DDR2: variants seen among roughly 807,000 people sequenced by gnomAD.
DDR2 encodes the protein discoidin domain receptor tyrosine kinase 2.
DDR2 carries 27 observed loss-of-function variants against 94.9 expected under a neutral mutation model. The ratio of observed to expected loss-of-function variants is 0.28; its 90% confidence interval spans 0.21 to 0.39. The LOEUF is 0.39. DDR2 is among the 10% of genes least tolerant of loss of function. The pLI, the probability that DDR2 is intolerant of heterozygous loss-of-function variation, is 1.00. For missense variants in DDR2, 783 were observed against 1,076.0 expected (o/e 0.73, Z 3.81); for synonymous variants, 382 against 377.2 (o/e 1.01, Z -0.15).
intron 2 of DDR2, among the ~76,000 whole-genome samples, chr1:162,707,579 G>C (rs1660718570): frequency 6.6e-6 from 1 of 152,150 alleles, no homozygotes. Context: ...GAAGCTGCTT[G>C]CTCATTGTCT....
At chr1:162,706,685 G>A (rs1660674877) in intron 2 of DDR2, among the ~76,000 whole-genome samples, 1 of 152,194 alleles carries the variant, frequency 6.6e-6, no homozygotes. Flanking sequence ...GCCAGAAAGT[G>A]GAGAGGAGCG....
chr1:162,639,909 G>A (rs1189107011), intron 1 of DDR2, among the ~76,000 whole-genome samples: 1 of 152,120 alleles, frequency 6.6e-6, no homozygotes, highest in Non-Finnish European at 1.5e-5. Flanking sequence ...TGAACACAGA[G>A]GATTTTTAGG....
chr1:162,677,042 G>C (rs903260111), intron 2 of DDR2, among the ~76,000 whole-genome samples: 1 of 152,174 alleles, frequency 6.6e-6, no homozygotes, highest in East Asian at 1.9e-4. Flanking sequence ...CAATCACAGA[G>C]GGTGAACCAA....
At chr1:162,764,904 A>G (rs1346500342) in intron 9 of DDR2, among the ~76,000 whole-genome samples, 2 of 152,102 alleles carry the variant, frequency 1.3e-5, no homozygotes, top group East Asian at 3.8e-4. Context: ...AGGGAAAAAA[A>G]TTTCAAGATG....
intron 14 of DDR2, among the ~76,000 whole-genome samples, chr1:162,774,018 T>C (rs1035729017): frequency 6.6e-6 from 1 of 151,090 alleles, no homozygotes; most frequent in African/African-American, 2.4e-5. Flanking sequence ...TTTCTATTTA[T>C]TTTCTCATCC....
intron 3 of DDR2, among the ~76,000 whole-genome samples, chr1:162,742,876 C>T (rs1662678889): frequency 6.6e-6 from 1 of 152,100 alleles, no homozygotes; most frequent in Non-Finnish European, 1.5e-5. Flanking sequence ...AAAGCAGAAA[C>T]CCCTGATAAA....
rs755039636 is a variant in DDR2, at chr1:162,770,395, A to C, written c.1387A>C (p.Ser463Arg). ...CAACAATAACCGCTCCTCATCACCT[A>C]GTGAACAAGGGTCCAACTCGACTTA... ...MFNNNRSSSP[S>R]EQGSNSTYDR... is the part of the protein sequence containing the mutation. The change falls in exon 12 of 18, where the codon AGT becomes CGT. Residue 463 changes from serine (S) to arginine (R), a missense_variant. Physicochemically the swap from Ser to Arg is moderately radical, Grantham distance 110. This residue lies in a region of DDR2 where 519 missense variants were observed against 647.9 expected (regional missense o/e 0.80). Coordinates refer to ENST00000367921, the MANE Select transcript of DDR2 (RefSeq NM_006182.4). 1 of 1,614,108 alleles carries C rather than the reference A, an allele frequency of 6.2e-7. No homozygotes were observed. Among genetic ancestry groups the C allele is most frequent in the East Asian group, 2.2e-5 (1 of 44,878 alleles).
intron 2 of DDR2, among the ~76,000 whole-genome samples, chr1:162,676,820 T>C (rs1659150988): frequency 6.6e-6 from 1 of 152,156 alleles, no homozygotes. Context: ...ACCTGCCAAG[T>C]TGCACAGCTA....
chr1:162,786,914 T>C lies in DDR2; in HGVS notation c.*6668T>C, dbSNP rs1361403244. On this transcript the variant is annotated 3_prime_UTR_variant, in exon 18 of 18. Coordinates refer to ENST00000367921, the MANE Select transcript of DDR2 (RefSeq NM_006182.4). ...CGTTATGGTTACAGACTTGTCTTGT[T>C]TGATACACAGAAATCCTTTTTAAAT... The C allele has an allele frequency of 6.6e-6, 1 of 152,264 alleles. No homozygotes were observed. The highest frequency in any genetic ancestry group is 1.5e-5 in the Non-Finnish European group (1 of 68,048). The allele number at this position is 152,264 out of a possible 1,614,324, so 9.4% of individuals were successfully genotyped here.
chr1:162,767,452 T>C, intron 11 of DDR2, 93 bp downstream of exon 11: 1 of 1,534,826 alleles, frequency 6.5e-7, no homozygotes, highest in Non-Finnish European at 8.8e-7. Context: ...ATTGCAAACA[T>C]TTATTAATGG....
At chr1:162,750,309 A>G (rs995445012) in intron 3 of DDR2, among the ~76,000 whole-genome samples, 2 of 152,228 alleles carry the variant, frequency 1.3e-5, no homozygotes, top group African/African-American at 2.4e-5. Flanking sequence ...AGGATACAAA[A>G]TCAATGTGCA....
chr1:162,777,661 G>A (rs1227348601), intron 16 of DDR2: 4 of 152,056 alleles, frequency 2.6e-5, no homozygotes, highest in Non-Finnish European at 5.9e-5. Flanking sequence ...CACTACTAAT[G>A]GTCTTATTAA....
intron 1 of DDR2, among the ~76,000 whole-genome samples, chr1:162,650,842 C>T (rs1421264351): frequency 6.6e-6 from 1 of 152,064 alleles, no homozygotes; most frequent in East Asian, 1.9e-4. Flanking sequence ...TCTCATGTCT[C>T]AGCCTCCCAA....
intron 2 of DDR2, among the ~76,000 whole-genome samples, chr1:162,685,978 C>T (rs961671172): frequency 6.6e-5 from 10 of 152,266 alleles, no homozygotes; most frequent in Non-Finnish European, 1.0e-4. Context: ...CAAAGAATAA[C>T]CGAAGAAGAG....
intron 2 of DDR2, among the ~76,000 whole-genome samples, chr1:162,663,421 A>C (rs555055782): frequency 6.6e-6 from 1 of 152,282 alleles, no homozygotes; most frequent in South Asian, 2.1e-4. Flanking sequence ...TCTCATGTCA[A>C]CTCAATAAAT....
At position 162,741,194 on chromosome 1, in the gene DDR2, T is replaced by TAC. The variant is rs1558057287; in HGVS notation, c.83-11900_83-11899insCA. 3.8e-3 allele frequency among the ~76,000 whole-genome samples: 297 copies of TAC among 77,568 alleles called. 3 individuals carry two copies. The highest frequency in any genetic ancestry group is 0.012 in the African/African-American group (283 of 22,940). 50.9% of individuals were successfully genotyped at this position (77,568 alleles called of 152,430 possible). A position where few individuals can be genotyped will look rare whatever the true frequency, so the allele number is the denominator to read the frequency against. On this transcript the variant is annotated intron_variant, in intron 3 of 17. Transcript: ENST00000367921. ...TAATATAATATAATATAACATAACA[T>TAC]AATACAATACAATACAATATAATAT...
intron 3 of DDR2, among the ~76,000 whole-genome samples, chr1:162,746,095 G>A (rs1364445635): frequency 6.6e-6 from 1 of 152,162 alleles, no homozygotes; most frequent in African/African-American, 2.4e-5. Flanking sequence ...TCCAGCTGAG[G>A]TACTGGGTTC....
intron 11 of DDR2, among the ~76,000 whole-genome samples, chr1:162,767,807 G>GGTGTGTGTTTGTGT (rs1664072979): frequency 6.7e-6 from 1 of 149,460 alleles, no homozygotes; most frequent in Non-Finnish European, 1.5e-5. Flanking sequence ...TTGTCTGTTT[G>GGTGTGTGTTTGTGT]GTGTGTGTGT....
At chr1:162,773,254 G>C (rs1007258474) in intron 13 of DDR2, among the ~76,000 whole-genome samples, 2 of 152,144 alleles carry the variant, frequency 1.3e-5, no homozygotes, top group Non-Finnish European at 2.9e-5. Flanking sequence ...GTATTTCTAA[G>C]GCAGGAGAGT....
Sources: gnomAD v4.1 joint callset for allele counts (sites outside exome capture counted in the v4.1 genomes callset) on GRCh38, gnomAD v4.1.1 for gene constraint, gnomAD v4.1.1 regional missense constraint, MANE v1.5 for transcripts, NCBI Gene and HGNC (gene_info 2026-07-23, HGNC 2026-07-21) for gene names.